Variants in G3BP2 observed in about 807,000 individuals in gnomAD.
G3BP2 encodes ras GTPase-activating protein-binding protein 2.
In G3BP2, 11 loss-of-function variants were observed where a neutral mutation model predicts 56.7. The observed-to-expected ratio is 0.19, with a 90% CI of 0.12 to 0.32. The LOEUF (loss-of-function observed/expected upper bound fraction) is 0.32. Among genes scored for constraint, G3BP2 ranks in the 10% least tolerant of loss-of-function variants. The probability of loss-of-function intolerance (pLI) is 1.00; values close to 1 mark genes in which losing one functional copy is unlikely to be tolerated. For synonymous variants in G3BP2, 165 were observed against 191.6 expected (o/e 0.86, Z 1.15); for missense variants, 340 against 610.9 (o/e 0.56, Z 4.67).
intron 3 of G3BP2, among the ~76,000 whole-genome samples, chr4:75,689,894 G>A (rs1247022870): frequency 1.3e-5 from 2 of 152,140 alleles, no homozygotes; most frequent in African/African-American, 2.4e-5. Context: ...AGTTCAAAAG[G>A]AGCAAAACTG....
At chr4:75,685,418 T>C (rs1718550748) in intron 3 of G3BP2, among the ~76,000 whole-genome samples, 1 of 151,402 alleles carries the variant, frequency 6.6e-6, no homozygotes, top group Admixed American at 6.6e-5. Context: ...GAAGAATCAC[T>C]TGAACCTGGG....
At chr4:75,673,529 C>A, upstream of G3BP2, 1 of 1,232,210 alleles carries the variant, frequency 8.1e-7, no homozygotes, top group Non-Finnish European at 1.0e-6. Context: ...ACCCAACCTT[C>A]CCGTGTCCCT....
At chr4:75,681,414 C>G (rs1453589632) in intron 3 of G3BP2, among the ~76,000 whole-genome samples, 1 of 152,146 alleles carries the variant, frequency 6.6e-6, no homozygotes, top group Non-Finnish European at 1.5e-5. Flanking sequence ...AGGGTACATT[C>G]CAGGACCCTC....
intron 3 of G3BP2, among the ~76,000 whole-genome samples, chr4:75,658,387 T>C (rs181731055): frequency 7.0e-4 from 106 of 151,936 alleles, no homozygotes; most frequent in African/African-American, 2.4e-3. Context: ...TGCTGACAAT[T>C]ACTGTCAAAC....
At chr4:75,669,878 AG>A (rs147700742) in intron 1 of G3BP2, among the ~76,000 whole-genome samples, 1,805 of 152,288 alleles carry the variant, frequency 0.012, 35 homozygotes, top group African/African-American at 0.042. Context: ...GGATCACCTG[AG>A]GTCAGGAGTT....
chr4:75,645,772 G>C, intron 11 of G3BP2, 70 bp from the exon 12 acceptor site: 32 of 1,370,864 alleles, frequency 2.3e-5, no homozygotes, highest in Non-Finnish European at 3.2e-5. Flanking sequence ...ACTCTGAACA[G>C]GTCAGTCAGA....
rs562336430 is a variant in G3BP2, at chr4:75,673,153, G to A, written c.-25+55C>T. On this transcript the variant is annotated intron_variant, in intron 1 of 11. Transcript: ENST00000359707. ...TTGCCTCGCGCCGCGGAGCGCGAAT[G>A]GAATGTCCCTTTCCGACCACCACAC... 3.5e-6 allele frequency: 4 copies of A among 1,147,440 alleles called. No homozygotes were observed. In the African/African-American group the frequency reaches 6.4e-5, roughly 18 times the overall value. The allele number at this position is 1,147,440 out of a possible 1,614,324, so 71.1% of individuals were successfully genotyped here. A position where few individuals can be genotyped will look rare whatever the true frequency, so the allele number is the denominator to read the frequency against.
chr4:75,721,890 A>G (rs1055036078), intron 2 of G3BP2, among the ~76,000 whole-genome samples: 1 of 152,180 alleles, frequency 6.6e-6, no homozygotes, highest in African/African-American at 2.4e-5. Context: ...ATGTATTTTA[A>G]TGATTCATAG....
rs1732057479 is a variant in G3BP2, at chr4:75,655,857, T to C, written c.456A>G (p.Glu152=). ...GTCTTTCTTCTTGTTCCTCTTCTAC[T>C]TCATCTTCTGATTCTGAAAATACAT... ...EPELDEESED[E]VEEEQEERQP... is the part of the protein sequence containing the mutation. Residue 152 remains glutamate, a synonymous_variant, in exon 6 of 12, where the codon GAA becomes GAG. Coordinates refer to ENST00000359707, the MANE Select transcript of G3BP2 (RefSeq NM_203505.3). The C allele has an allele frequency of 5.1e-6, 8 of 1,553,672 alleles. No individual in the cohort carries two copies. Among genetic ancestry groups the C allele is most frequent in the Non-Finnish European group, 7.1e-6 (8 of 1,125,060 alleles).
intron 5 of G3BP2, 141 bp downstream of exon 5, chr4:75,656,777 GACAACA>G: frequency 1.7e-6 from 1 of 600,084 alleles, no homozygotes; most frequent in South Asian, 2.0e-5. Flanking sequence ...TTGTAACAAC[GACAACA>G]ACAACAAAAC....
chr4:75,709,856 G>GT (rs2149107456), intron 3 of G3BP2, among the ~76,000 whole-genome samples: 1 of 151,954 alleles, frequency 6.6e-6, no homozygotes, highest in Non-Finnish European at 1.5e-5. Context: ...GTTTTTTACA[G>GT]TATCATCTAT....
chr4:75,710,307 G>A (rs963504150), intron 3 of G3BP2, among the ~76,000 whole-genome samples: 21 of 152,158 alleles, frequency 1.4e-4, no homozygotes, highest in Non-Finnish European at 8.8e-5. Context: ...CAAGAGGACT[G>A]TCTCTCCTTG....
chr4:75,703,603 G>C (rs1253350308), intron 3 of G3BP2, among the ~76,000 whole-genome samples: 1 of 152,180 alleles, frequency 6.6e-6, no homozygotes, highest in African/African-American at 2.4e-5. Flanking sequence ...GAGGATTGAG[G>C]TCCCCTCAGC....
chr4:75,644,767 A>C lies in G3BP2; in HGVS notation c.*663T>G, dbSNP rs1468799226. Reference sequence around the variant, plus strand: ...ATTTTTATTATTTAGTTCATAACTAAAATGATTTCCTTCTGGAATATACTT... The same window carrying C: ...ATTTTTATTATTTAGTTCATAACTACAATGATTTCCTTCTGGAATATACTT... On this transcript the variant is annotated 3_prime_UTR_variant, in exon 12 of 12. Transcript: ENST00000359707. 1 of 152,672 alleles carries C rather than the reference A, an allele frequency of 6.5e-6. No individual in the cohort carries two copies. Among genetic ancestry groups the C allele is most frequent in the Admixed American group, 6.5e-5 (1 of 15,288 alleles). 9.5% of individuals were successfully genotyped at this position (152,672 alleles called of 1,614,324 possible). A position where few individuals can be genotyped will look rare whatever the true frequency, so the allele number is the denominator to read the frequency against.
intron 4 of G3BP2, 112 bp downstream of exon 4, chr4:75,657,445 A>G (rs1277842591): frequency 6.4e-6 from 5 of 779,004 alleles, no homozygotes; most frequent in Non-Finnish European, 1.0e-5. Context: ...GGTCAAACAC[A>G]AATTCCCCAA....
intron 3 of G3BP2, among the ~76,000 whole-genome samples, chr4:75,707,552 G>A (rs1560421816): frequency 6.7e-6 from 1 of 149,768 alleles, no homozygotes; most frequent in Non-Finnish European, 1.5e-5. Context: ...GGAGGTTGCA[G>A]TGAGCCGAGA....
chr4:75,717,795 A>G (rs1719985647), intron 3 of G3BP2, among the ~76,000 whole-genome samples: 1 of 152,138 alleles, frequency 6.6e-6, no homozygotes, highest in Non-Finnish European at 1.5e-5. Context: ...TCCACAAGAA[A>G]CAGTGCTAGG....
chr4:75,664,368 G>A (rs1732822788), intron 1 of G3BP2, among the ~76,000 whole-genome samples: 2 of 151,952 alleles, frequency 1.3e-5, no homozygotes, highest in African/African-American at 2.4e-5. Context: ...CCTGAGGTCA[G>A]GAGTTCGAGA....
chr4:75,702,716 T>C (rs1389959473), intron 3 of G3BP2, among the ~76,000 whole-genome samples: 1 of 152,176 alleles, frequency 6.6e-6, no homozygotes, highest in Admixed American at 6.6e-5. Context: ...TCCCTACCTA[T>C]GCCATCAACC....
Sources: allele counts gnomAD v4.1 joint callset (sites outside exome capture counted in the v4.1 genomes callset), GRCh38; gene constraint gnomAD v4.1.1; transcripts MANE v1.5; gene names NCBI Gene and HGNC (gene_info 2026-07-23, HGNC 2026-07-21).